The following BTBD17 variants were observed in gnomAD, a reference collection of about 807,000 sequenced individuals.
BTBD17 encodes the protein BTB/POZ domain-containing protein 17.
A neutral mutation model predicts 36.9 loss-of-function variants in BTBD17; 26 were observed. The observed-to-expected ratio is 0.70, with a 90% confidence interval of 0.52 to 0.98. The LOEUF (loss-of-function observed/expected upper bound fraction) is 0.98. Ranked by LOEUF, BTBD17 falls within the 50% of genes least tolerant of loss-of-function variation. The probability of loss-of-function intolerance (pLI) is 0.00; values close to 1 mark genes in which losing one functional copy is unlikely to be tolerated. For missense variants in BTBD17, 630 were observed against 691.3 expected (o/e 0.91, Z 0.99); for synonymous variants, 341 against 338.0 (o/e 1.01, Z -0.10).
At position 74,361,740 on chromosome 17, in the gene BTBD17, TGGGTGACCA is replaced by T; in HGVS notation, c.71_79del (p.Leu24_Thr26del). The T allele has an allele frequency of 6.2e-7, 1 of 1,613,250 alleles. No individual in the cohort carries two copies. Among genetic ancestry groups the T allele is most frequent in the Non-Finnish European group, 8.5e-7 (1 of 1,179,570 alleles). On this transcript the variant is annotated inframe_deletion, in exon 1 of 3. Coordinates refer to ENST00000375366, the MANE Select transcript of BTBD17 (RefSeq NM_001080466.2). ...CTGGCCCACTGCCCGCTCACCTGCATGGGTGACCAGGCCCACCAAGGTCAGCATGGCCCA... is the reference window on the plus strand; with the variant it reads ...CTGGCCCACTGCCCGCTCACCTGCATGGCCCACCAAGGTCAGCATGGCCCA...
upstream of BTBD17, chr17:74,362,050 G>A: frequency 2.0e-6 from 1 of 502,804 alleles, no homozygotes; most frequent in East Asian, 3.6e-5. Flanking sequence ...TGTGCTGCCT[G>A]TGGGCCCCCA....
chr17:74,361,702 C>A (rs751294271), intron 1 of BTBD17, 33 bp downstream of exon 1: 1 of 1,590,516 alleles, frequency 6.3e-7, no homozygotes, highest in Non-Finnish European at 8.6e-7. Context: ...TGCCGCTCCA[C>A]CCTGCCCCGC....
At chr17:74,360,840 G>C (rs868617146) in intron 1 of BTBD17, among the ~76,000 whole-genome samples, 3 of 152,216 alleles carry the variant, frequency 2.0e-5, no homozygotes, top group Non-Finnish European at 4.4e-5. Context: ...GAGCCAGCCA[G>C]GGAACCAGTG....
In BTBD17 at chr17:74,356,621, C is replaced by G. The variant is rs370067370; in HGVS notation, c.*36G>C. On this transcript the variant is annotated 3_prime_UTR_variant, in exon 3 of 3. Coordinates refer to ENST00000375366, the MANE Select transcript of BTBD17 (RefSeq NM_001080466.2). The surrounding 1 kb of genome is among the most constrained non-coding windows in gnomAD (Gnocchi z 4.3). The stretch of plus-strand genomic sequence containing the variant: ...CTTGCCCTTCCCAGACCCACAGGGA[C>G]CACCTAGGCCAGGCCTTTATTCCCA... The G allele has an allele frequency of 9.8e-6, 14 of 1,426,266 alleles. No individual in the cohort carries two copies. The highest frequency in any genetic ancestry group is 1.5e-5 in the African/African-American group (1 of 68,016). 88.4% of individuals were successfully genotyped at this position (1,426,266 alleles called of 1,614,324 possible).
upstream of BTBD17, chr17:74,361,925 C>A (rs1043066588): frequency 2.2e-6 from 2 of 901,638 alleles, no homozygotes; most frequent in East Asian, 3.0e-5. Flanking sequence ...ACGGCACCCC[C>A]CTTCCTGCTT....
chr17:74,361,447 C>T (rs2054937265), intron 1 of BTBD17, among the ~76,000 whole-genome samples: 1 of 152,166 alleles, frequency 6.6e-6, no homozygotes, highest in Admixed American at 6.5e-5. Context: ...TTTCCCAGCA[C>T]GGCCTTCCCC....
chr17:74,360,703 T>C (rs1416615496), intron 1 of BTBD17, among the ~76,000 whole-genome samples: 1 of 152,240 alleles, frequency 6.6e-6, no homozygotes, highest in Non-Finnish European at 1.5e-5. Flanking sequence ...TACTATATGC[T>C]AGACATTCTC....
In BTBD17 at chr17:74,357,527, C is replaced by T; in HGVS notation, c.567G>A (p.Leu189=). 1 of 1,561,074 alleles carries T rather than the reference C, an allele frequency of 6.4e-7. No individual in the cohort carries two copies. Among genetic ancestry groups the T allele is most frequent in the Admixed American group, 1.8e-5 (1 of 55,176 alleles). The change falls in exon 3 of 3, where the codon CTG becomes CTA. Residue 189 remains leucine (L), a synonymous_variant. Transcript: ENST00000375366. The surrounding 1 kb of genome is among the most constrained non-coding windows in gnomAD (Gnocchi z 8.4). Reference sequence around the variant, plus strand: ...CCGACAGGTTCCAGGCCAGGAACTGCAGGCAGCTCTCGCGCAGGGCCTCGT... The same window carrying T: ...CCGACAGGTTCCAGGCCAGGAACTGTAGGCAGCTCTCGCGCAGGGCCTCGT... The part of the protein sequence containing the change: ...TGDEALRESC[L]QFLAWNLSAV...
Position 74,357,841 on chromosome 17 carries a change from G to T in BTBD17, c.363-110C>A. The T allele has an allele frequency of 2.4e-6, 2 of 832,684 alleles. No individual in the cohort carries two copies. Among genetic ancestry groups the T allele is most frequent in the Non-Finnish European group, 3.6e-6 (2 of 557,290 alleles). The allele number at this position is 832,684 out of a possible 1,614,324, so 51.6% of individuals were successfully genotyped here. On this transcript the variant is annotated intron_variant, in intron 2 of 2. Transcript: ENST00000375366. This position sits in a 1 kb window ranked among gnomAD's most constrained non-coding sequence, Gnocchi z 8.4. ...GCCTGGAGTTGGAGCTTCACTGTCC[G>T]GGTGCAAACACAGTGGAAGCCCCAC...
Position 74,357,915 on chromosome 17 carries a change from T to C in BTBD17, c.363-184A>G, listed in dbSNP as rs570733157. On this transcript the variant is annotated intron_variant, in intron 2 of 2. Coordinates refer to ENST00000375366, the MANE Select transcript of BTBD17 (RefSeq NM_001080466.2). The surrounding 1 kb of genome is among the most constrained non-coding windows in gnomAD (Gnocchi z 8.4). Reference sequence around the variant, plus strand: ...TTCAAGGACCCTTCCAGGCCATTCTTACTTCACAGGCTCTTCTTTCCGTTT... The same window carrying C: ...TTCAAGGACCCTTCCAGGCCATTCTCACTTCACAGGCTCTTCTTTCCGTTT... 6.6e-6 allele frequency among the ~76,000 whole-genome samples: 1 copy of C among 152,336 alleles called. No homozygotes were observed. Among genetic ancestry groups the C allele is most frequent in the Admixed American group, 6.5e-5 (1 of 15,306 alleles).
rs545116775 is a variant in BTBD17, at chr17:74,360,368, A to G, written c.86-123T>C. 208 of 1,068,104 alleles carry G rather than the reference A, an allele frequency of 1.9e-4. 1 individual carries two copies. In the East Asian group the frequency reaches 4.4e-3, roughly 23 times the overall value. 66.2% of individuals were successfully genotyped at this position (1,068,104 alleles called of 1,614,324 possible). A position where few individuals can be genotyped will look rare whatever the true frequency, so the allele number is the denominator to read the frequency against. On this transcript the variant is annotated intron_variant, in intron 1 of 2. Coordinates refer to ENST00000375366, the MANE Select transcript of BTBD17 (RefSeq NM_001080466.2). ...TGTGAGCAGAGGGCAAGGTGGGCCT[A>G]GGCGGGTTGTATGTGCATACCTGTT...
intron 2 of BTBD17, among the ~76,000 whole-genome samples, chr17:74,359,044 G>A (rs570808703): frequency 2.0e-5 from 3 of 152,190 alleles, no homozygotes; most frequent in South Asian, 2.1e-4. Context: ...CAGGCATCTC[G>A]TCTGAGCCGT....
chr17:74,356,975 G>A lies in BTBD17; in HGVS notation c.1119C>T (p.Tyr373=). 2 of 1,452,528 alleles carry A rather than the reference G, an allele frequency of 1.4e-6. No individual in the cohort carries two copies. Among genetic ancestry groups the A allele is most frequent in the Non-Finnish European group, 1.8e-6 (2 of 1,113,026 alleles). The allele number at this position is 1,452,528 out of a possible 1,614,324, so 90.0% of individuals were successfully genotyped here. Residue 373 remains tyrosine, a synonymous_variant, in exon 3 of 3, where the codon TAC becomes TAT. Transcript: ENST00000375366. The surrounding 1 kb of genome is among the most constrained non-coding windows in gnomAD (Gnocchi z 4.3). The stretch of plus-strand genomic sequence containing the variant: ...GCAGAGCAGTGCCCGCGGCGTCCGC[G>A]TAAACGGGCCGCAGGCTGACGGGCA... The part of the protein sequence containing the change: ...RWLPVSLRPV[Y]ADAAGTALPA...
chr17:74,360,116 G>A lies in BTBD17; in HGVS notation c.215C>T (p.Ala72Val), dbSNP rs755336000. The A allele has an allele frequency of 1.3e-5, 21 of 1,613,012 alleles. No homozygotes were observed. The highest frequency in any genetic ancestry group is 1.7e-4 in the Middle Eastern group (1 of 6,060). ...GAATACCCGGACCTCATCGGTGCCCGCAGCCTGCACCCGCAGAACCACATC... is the reference window on the plus strand; with the variant it reads ...GAATACCCGGACCTCATCGGTGCCCACAGCCTGCACCCGCAGAACCACATC... ...ASDVVLRVQAAGTDEVRVFHA... is the reference protein window; with the variant it reads ...ASDVVLRVQAVGTDEVRVFHA... Residue 72 changes from alanine (A) to valine (V), a missense_variant, in exon 2 of 3, where the codon GCG (alanine) becomes GTG (valine). Physicochemically the swap from Ala to Val is moderately conservative, Grantham distance 64 (BLOSUM62 0). Coordinates refer to ENST00000375366, the MANE Select transcript of BTBD17 (RefSeq NM_001080466.2).
chr17:74,357,477 C>A lies in BTBD17; in HGVS notation c.617G>T (p.Gly206Val). The A allele has an allele frequency of 6.4e-7, 1 of 1,573,894 alleles. No individual in the cohort carries two copies. The highest frequency in any genetic ancestry group is 8.6e-7 in the Non-Finnish European group (1 of 1,168,792). ...CCAGAGCAGCTCGGGGCTCACGGCG[C>A]CCCACTCGGTGCTGGCCGCCACGGC... ...LSAVAASTEWGAVSPELLWQL... is the reference protein window; with the variant it reads ...LSAVAASTEWVAVSPELLWQL... Residue 206 changes from glycine to valine, a missense_variant, in exon 3 of 3, where the codon GGC (glycine) becomes GTC (valine). Transcript: ENST00000375366. The surrounding 1 kb of genome is among the most constrained non-coding windows in gnomAD (Gnocchi z 8.4).
intron 2 of BTBD17, among the ~76,000 whole-genome samples, chr17:74,358,341 T>C (rs1790073776): frequency 6.6e-6 from 1 of 152,048 alleles, no homozygotes; most frequent in East Asian, 1.9e-4. Flanking sequence ...AAATAAAAAA[T>C]GTTAAAACAT....
At chr17:74,361,602 G>A (rs1215510899) in intron 1 of BTBD17, 133 bp downstream of exon 1, 23 of 669,156 alleles carry the variant, frequency 3.4e-5, no homozygotes, top group African/African-American at 7.3e-5. Context: ...AGATGAGTCC[G>A]TGGAGCTGTC....
chr17:74,359,906 T>C, intron 2 of BTBD17, 63 bp downstream of exon 2: 1 of 1,541,264 alleles, frequency 6.5e-7, no homozygotes, highest in South Asian at 1.2e-5. Flanking sequence ...CCTGACCCTG[T>C]AGGTGGAGGA....
upstream of BTBD17, chr17:74,362,020 G>A: frequency 9.1e-6 from 5 of 551,116 alleles, no homozygotes; most frequent in Non-Finnish European, 1.6e-5. Context: ...AAGCCAGAGA[G>A]CGGCAGCCCC....
Sources: allele counts gnomAD v4.1 joint callset (sites outside exome capture counted in the v4.1 genomes callset), GRCh38; gene constraint gnomAD v4.1.1; non-coding constraint Gnocchi (gnomAD v3.1); transcripts MANE v1.5; gene names NCBI Gene and HGNC (gene_info 2026-07-23, HGNC 2026-07-21).